Variants in BICRAL observed in about 807,000 individuals in gnomAD.
BICRAL encodes the protein BRD4-interacting chromatin-remodeling complex-associated protein-like.
Under a neutral mutation model 91.8 loss-of-function variants are expected in BICRAL, and 8 were observed. The observed-to-expected ratio is 0.09, with a 90% CI of 0.05 to 0.16. The LOEUF is 0.16. Ranked by LOEUF, BICRAL falls within the 10% of genes least tolerant of loss-of-function variation. BICRAL has a pLI of 1.00. For missense variants in BICRAL, 1,038 were observed against 1,310.9 expected, an observed-to-expected ratio of 0.79 and a Z score of 3.21; for synonymous variants, 445 against 491.1, an observed-to-expected ratio of 0.91 and a Z score of 1.24.
intron 1 of BICRAL, among the ~76,000 whole-genome samples, chr6:42,791,185 C>G (rs1000252810): frequency 6.6e-6 from 1 of 150,894 alleles, no homozygotes; most frequent in Non-Finnish European, 1.5e-5. Context: ...TGTACTCCCA[C>G]TCAGGAAAAG....
At chr6:42,770,375 C>T (rs1326714021) in intron 1 of BICRAL, among the ~76,000 whole-genome samples, 11 of 151,280 alleles carry the variant, frequency 7.3e-5, no homozygotes, top group East Asian at 5.8e-4. Context: ...ATTACAGGCA[C>T]GTGCCACCAT....
At chr6:42,779,510 C>T (rs962812428), upstream of BICRAL, among the ~76,000 whole-genome samples, 3 of 152,116 alleles carry the variant, frequency 2.0e-5, no homozygotes, top group Non-Finnish European at 4.4e-5. Flanking sequence ...GATTACTGTT[C>T]CAAGGAGCCC....
At chr6:42,818,007 G>A (rs1459493392) in intron 2 of BICRAL, among the ~76,000 whole-genome samples, 1 of 149,904 alleles carries the variant, frequency 6.7e-6, no homozygotes. Flanking sequence ...AAGAATATCT[G>A]CAGTACAAAT....
rs537277439 is a variant in BICRAL at position 42,767,048 on chromosome 6, A to G, written c.-260-14791A>G. On this transcript the variant is annotated intron_variant, in intron 1 of 14. Coordinates refer to the BICRAL transcript ENST00000614467. ...GAGTGAGACTCCATCTCAAAAAAAAAAAAAAAAGAAGAAGAATAGATTGAA... is the reference window on the plus strand; with the variant it reads ...GAGTGAGACTCCATCTCAAAAAAAAGAAAAAAAGAAGAAGAATAGATTGAA... Among the ~76,000 whole-genome samples the G allele has an allele frequency of 5.9e-5, 9 of 151,910 alleles. No homozygotes were observed. The East Asian group carries it at 1.7e-3, about 29-fold the overall frequency.
intron 2 of BICRAL, among the ~76,000 whole-genome samples, chr6:42,813,743 A>T (rs1763903262): frequency 6.6e-6 from 1 of 151,870 alleles, no homozygotes; most frequent in Non-Finnish European, 1.5e-5. Context: ...AGGGTCTCAA[A>T]CTCCTGGATT....
intron 1 of BICRAL, among the ~76,000 whole-genome samples, chr6:42,789,420 C>T (rs548192642): frequency 2.2e-4 from 33 of 152,134 alleles, no homozygotes; most frequent in Middle Eastern, 3.4e-3. Context: ...GCAGGCAAAT[C>T]GTTTGAGGCC....
chr6:42,770,397 T>TTTA lies in BICRAL; in HGVS notation c.-260-11427_-260-11425dup, dbSNP rs1167469084. ...GCACGTGCCACCATGCCCGGCTAAT[T>TTTA]TTATTATTATTATTATTTTTTTTTT... is the stretch of plus-strand genomic sequence containing the variant. On this transcript the variant is annotated intron_variant, in intron 1 of 14. Transcript: ENST00000614467. Among the ~76,000 whole-genome samples the TTTA allele has an allele frequency of 1.4e-3, 186 of 134,684 alleles. 9 individuals are homozygous for TTTA. Among genetic ancestry groups the TTTA allele is most frequent in the Non-Finnish European group, 1.9e-3 (123 of 64,458 alleles). The allele number at this position is 134,684 out of a possible 152,430, so 88.4% of individuals were successfully genotyped here. A position where few individuals can be genotyped will look rare whatever the true frequency, so the allele number is the denominator to read the frequency against.
chr6:42,821,322 G>C (rs896108975), intron 2 of BICRAL: 4 of 152,320 alleles, frequency 2.6e-5, no homozygotes, highest in Non-Finnish European at 5.9e-5. Flanking sequence ...TGTCGCTGGT[G>C]GGGGAGAGAG....
chr6:42,847,461 G>A (rs754596491), intron 6 of BICRAL, among the ~76,000 whole-genome samples: 9 of 151,862 alleles, frequency 5.9e-5, no homozygotes, highest in Non-Finnish European at 1.3e-4. Flanking sequence ...TTAGCTTATC[G>A]ATATTGATGT....
chr6:42,791,781 A>G lies in BICRAL; in HGVS notation c.-102+9680A>G, dbSNP rs114957321. Among the ~76,000 whole-genome samples, 1,286 of 152,238 alleles carry G rather than the reference A, an allele frequency of 8.4e-3. 7 individuals carry two copies. Among genetic ancestry groups the G allele is most frequent in the Non-Finnish European group, 0.013 (854 of 68,012 alleles). On this transcript the variant is annotated intron_variant, in intron 1 of 12. Coordinates refer to ENST00000314073, the MANE Select transcript of BICRAL (RefSeq NM_001393499.1). ...ACCTGGCCTCTGATGGGTTTTTAGT[A>G]AATACAGTCATGTGTCATTTAATCA...
intron 1 of BICRAL, among the ~76,000 whole-genome samples, chr6:42,753,239 G>GT (rs1762408453): frequency 1.3e-5 from 2 of 151,912 alleles, no homozygotes; most frequent in Non-Finnish European, 2.9e-5. Flanking sequence ...ATTTTTAAAT[G>GT]TTTTTGTAGA....
chr6:42,818,749 T>C (rs1442338762), intron 2 of BICRAL, among the ~76,000 whole-genome samples: 2 of 152,224 alleles, frequency 1.3e-5, no homozygotes, highest in African/African-American at 4.8e-5. Flanking sequence ...TTTATTTTTG[T>C]GTAAGATATG....
chr6:42,809,452 T>G (rs1763796434), intron 1 of BICRAL, among the ~76,000 whole-genome samples: 1 of 150,212 alleles, frequency 6.7e-6, no homozygotes, highest in African/African-American at 2.5e-5. Flanking sequence ...TTTTTTTTTT[T>G]TGAGACAGAG....
rs750855274 is a variant in BICRAL, at chr6:42,822,045, G to A, written c.23G>A (p.Cys8Tyr). 1.9e-6 allele frequency: 3 copies of A among 1,608,358 alleles called. No homozygotes were observed. Among genetic ancestry groups the A allele is most frequent in the East Asian group, 2.2e-5 (1 of 44,756 alleles). Residue 8 changes from cysteine to tyrosine, a missense_variant, in exon 3 of 13, where the codon TGT becomes TAT. Cys to Tyr is a radical substitution (Grantham distance 194). Around this residue, in one of 5 missense-constraint regions of BICRAL, gnomAD observed 115 missense variants for 121.5 expected, o/e 0.95. Transcript: ENST00000314073. MDDDDDS[C>Y]LLDLIGDPQA... ...GTCATGGATGATGATGATGACTCGT[G>A]TCTCCTTGATCTTATTGGGTAAGAT...
chr6:42,784,438 C>G (rs566773247), intron 1 of BICRAL, among the ~76,000 whole-genome samples: 1 of 152,076 alleles, frequency 6.6e-6, no homozygotes, highest in African/African-American at 2.4e-5. Flanking sequence ...CACCGTGGTG[C>G]CAGTAGGTGT....
chr6:42,868,334 G>A lies in BICRAL; in HGVS notation c.*2888G>A, dbSNP rs1765772529. 6.6e-6 allele frequency: 1 copy of A among 151,278 alleles called. No homozygotes were observed. The highest frequency in any genetic ancestry group is 2.4e-5 in the African/African-American group (1 of 41,024). The allele number at this position is 151,278 out of a possible 1,614,324, so 9.4% of individuals were successfully genotyped here. A position where few individuals can be genotyped will look rare whatever the true frequency, so the allele number is the denominator to read the frequency against. ...TTAAATACCTTCATTTGTATAGTAC[G>A]TCTCACTTGAAATTGCTTTGTATAC... On this transcript the variant is annotated 3_prime_UTR_variant, in exon 13 of 13. Transcript: ENST00000314073.
At chr6:42,823,797 C>T (rs1359661294) in intron 5 of BICRAL, among the ~76,000 whole-genome samples, 4 of 152,006 alleles carry the variant, frequency 2.6e-5, no homozygotes, top group Admixed American at 6.6e-5. Flanking sequence ...TGGTGGTAGG[C>T]GCCTGTAATC....
intron 10 of BICRAL, among the ~76,000 whole-genome samples, chr6:42,857,614 A>AAAAAAAAAAAATATATATAT: frequency 6.2e-5 from 6 of 96,224 alleles, no homozygotes; most frequent in Admixed American, 2.0e-4. Flanking sequence ...AAAAAAAAAA[A>AAAAAAAAAAAATATATATAT]ATATATATAT....
chr6:42,841,185 T>A (rs1440170023), intron 6 of BICRAL, among the ~76,000 whole-genome samples: 1 of 51,378 alleles, frequency 1.9e-5, no homozygotes, highest in Non-Finnish European at 3.8e-5. Flanking sequence ...TCTTGAATAT[T>A]TTTTTTTTTT....
Sources: allele counts gnomAD v4.1 joint callset (sites outside exome capture counted in the v4.1 genomes callset), GRCh38; gene constraint gnomAD v4.1.1; regional missense constraint gnomAD v4.1.1; transcripts MANE v1.5; gene names NCBI Gene and HGNC (gene_info 2026-07-23, HGNC 2026-07-21).